SEMA3E: variants seen among roughly 807,000 people sequenced by gnomAD.
SEMA3E encodes the protein semaphorin 3E.
A neutral mutation model predicts 93.6 loss-of-function variants in SEMA3E; 49 were observed. That is an observed-to-expected ratio of 0.52 (90% CI 0.42 to 0.66). SEMA3E has a LOEUF of 0.66. Ranked by LOEUF, SEMA3E falls within the 30% of genes least tolerant of loss-of-function variation. SEMA3E has a pLI of 0.00. For synonymous variants in SEMA3E, 363 were observed against 330.7 expected, an observed-to-expected ratio of 1.10 and a Z score of -1.06; for missense variants, 906 against 964.8, an observed-to-expected ratio of 0.94 and a Z score of 0.81.
chr7:83,433,956 T>C (rs1255001805), intron 4 of SEMA3E, among the ~76,000 whole-genome samples: 1 of 152,076 alleles, frequency 6.6e-6, no homozygotes, highest in Admixed American at 6.5e-5. Flanking sequence ...GAACATTTCA[T>C]AGATTTTGTA....
chr7:83,572,087 T>C (rs1792298892), intron 1 of SEMA3E, among the ~76,000 whole-genome samples: 1 of 152,066 alleles, frequency 6.6e-6, no homozygotes, highest in South Asian at 2.1e-4. Context: ...CATAAGTAAA[T>C]GGAAAAATAT....
At chr7:83,454,272 A>ATATATATATATAT (rs1554327288) in intron 4 of SEMA3E, among the ~76,000 whole-genome samples, 3 of 110,110 alleles carry the variant, frequency 2.7e-5, no homozygotes, top group South Asian at 2.6e-4. Context: ...AAAAAAAAAA[A>ATATATATATATAT]ATATATATAT....
rs1206538148 is a variant in SEMA3E at position 83,406,054 on chromosome 7, A to C, written c.819T>G (p.Asp273Glu). ...YTRVGRLCVNDVGGQRILVNK... is the reference protein window; with the variant it reads ...YTRVGRLCVNEVGGQRILVNK... Reference sequence around the variant, plus strand: ...TCACCAGTATTCTCTGCCCTCCTACATCATTCTGTGAAAACCAAAAAGGAG... The same window carrying C: ...TCACCAGTATTCTCTGCCCTCCTACCTCATTCTGTGAAAACCAAAAAGGAG... Residue 273 changes from aspartate to glutamate, a missense_variant, in exon 8 of 17, where the codon GAT becomes GAG. Transcript: ENST00000643230. 1.2e-6 allele frequency: 2 copies of C among 1,610,490 alleles called. No individual in the cohort carries two copies. The highest frequency in any genetic ancestry group is 2.7e-5 in the African/African-American group (2 of 74,806).
chr7:83,441,671 G>A (rs1393195241), intron 4 of SEMA3E, among the ~76,000 whole-genome samples: 1 of 152,094 alleles, frequency 6.6e-6, no homozygotes, highest in Non-Finnish European at 1.5e-5. Context: ...TTTTATGGAG[G>A]AGGACACTGA....
Position 83,505,044 on chromosome 7 carries a change from AT to A in SEMA3E, c.116-14771del, listed in dbSNP as rs373193726. On this transcript the variant is annotated intron_variant, in intron 1 of 16. Transcript: ENST00000643230. The stretch of plus-strand genomic sequence containing the variant: ...TAACAAAAGAAGTTGTATAAATTAT[AT>A]AGTGGTTTCTTCATGGATTAAGATT... Among the ~76,000 whole-genome samples, 68 of 152,318 alleles carry A rather than the reference AT, an allele frequency of 4.5e-4. No homozygotes were observed. In the East Asian group the frequency reaches 7.3e-3, roughly 16 times the overall value.
chr7:83,388,173 G>T (rs1413006690), intron 14 of SEMA3E, among the ~76,000 whole-genome samples: 1 of 148,344 alleles, frequency 6.7e-6, no homozygotes, highest in African/African-American at 2.4e-5. Flanking sequence ...GTCGGGCGTG[G>T]TGGTGTGCGC....
chr7:83,577,117 G>T (rs1792421248), intron 1 of SEMA3E, among the ~76,000 whole-genome samples: 1 of 152,050 alleles, frequency 6.6e-6, no homozygotes. Flanking sequence ...ACCAGAGTTA[G>T]ATATTGATTT....
intron 4 of SEMA3E, among the ~76,000 whole-genome samples, chr7:83,453,377 T>C (rs558871449): frequency 2.0e-5 from 3 of 151,376 alleles, no homozygotes; most frequent in East Asian, 2.0e-4. Context: ...CATTTAACTT[T>C]CAATATCAAC....
At position 83,535,427 on chromosome 7, in the gene SEMA3E, T is replaced by C. The variant is rs144187922; in HGVS notation, c.116-45153A>G. Among the ~76,000 whole-genome samples the C allele has an allele frequency of 1.5e-4, 23 of 151,014 alleles. No homozygotes were observed. In the East Asian group the frequency reaches 4.5e-3, roughly 30 times the overall value. Reference sequence around the variant, plus strand: ...ACTTTTTTTTCAAGCAGGTAATATTTCATTCATTCACTAAGGAGACAGGGC... The same window carrying C: ...ACTTTTTTTTCAAGCAGGTAATATTCCATTCATTCACTAAGGAGACAGGGC... On this transcript the variant is annotated intron_variant, in intron 1 of 16. Coordinates refer to ENST00000643230, the MANE Select transcript of SEMA3E (RefSeq NM_012431.3).
intron 2 of SEMA3E, among the ~76,000 whole-genome samples, chr7:83,477,557 A>G (rs1183893531): frequency 6.6e-6 from 1 of 152,140 alleles, no homozygotes; most frequent in Non-Finnish European, 1.5e-5. Context: ...TTTATGTGCC[A>G]GAATTATAAT....
At chr7:83,478,359 A>G (rs1790066674) in intron 2 of SEMA3E, among the ~76,000 whole-genome samples, 3 of 152,244 alleles carry the variant, frequency 2.0e-5, no homozygotes, top group African/African-American at 7.2e-5. Context: ...TGAGTTCCCC[A>G]AAATATGGCT....
At chr7:83,598,795 C>G (rs1792927123) in intron 1 of SEMA3E, among the ~76,000 whole-genome samples, 2 of 152,148 alleles carry the variant, frequency 1.3e-5, no homozygotes, top group South Asian at 4.1e-4. Flanking sequence ...TTGTATATGT[C>G]TTTGTCATCA....
chr7:83,645,502 C>T (rs1261297715), intron 1 of SEMA3E, among the ~76,000 whole-genome samples: 1 of 152,020 alleles, frequency 6.6e-6, no homozygotes, highest in Non-Finnish European at 1.5e-5. Flanking sequence ...CTAGAAAATA[C>T]ATTAAAAGAT....
chr7:83,593,997 T>C (rs1562847109), intron 1 of SEMA3E, among the ~76,000 whole-genome samples: 1 of 152,176 alleles, frequency 6.6e-6, no homozygotes, highest in Non-Finnish European at 1.5e-5. Flanking sequence ...TCACATTTGT[T>C]AAAGAGTGTT....
intron 1 of SEMA3E, among the ~76,000 whole-genome samples, chr7:83,639,253 CCA>C (rs1228308147): frequency 6.6e-6 from 1 of 151,568 alleles, no homozygotes; most frequent in Non-Finnish European, 1.5e-5. Flanking sequence ...TCATTTAACT[CCA>C]GTTTCCATCT....
intron 4 of SEMA3E, among the ~76,000 whole-genome samples, chr7:83,445,012 G>C (rs539007984): frequency 3.7e-4 from 57 of 152,190 alleles, no homozygotes; most frequent in African/African-American, 1.3e-3. Flanking sequence ...TCCTAAAAAT[G>C]AAAGGAAGAA....
intron 4 of SEMA3E, among the ~76,000 whole-genome samples, chr7:83,431,746 G>A (rs1335860694): frequency 6.6e-6 from 1 of 152,122 alleles, no homozygotes; most frequent in African/African-American, 2.4e-5. Flanking sequence ...TCCAAATGAC[G>A]TTTTTGGCAA....
chr7:83,520,366 G>T (rs1791018703), intron 1 of SEMA3E, among the ~76,000 whole-genome samples: 1 of 152,094 alleles, frequency 6.6e-6, no homozygotes, highest in Non-Finnish European at 1.5e-5. Flanking sequence ...TGGAGAGAAA[G>T]ACTTGGCAAC....
intron 4 of SEMA3E, among the ~76,000 whole-genome samples, chr7:83,428,957 C>T (rs1788828587): frequency 6.6e-6 from 1 of 152,082 alleles, no homozygotes; most frequent in African/African-American, 2.4e-5. Flanking sequence ...ACTAACAATT[C>T]CATATTCATT....
Sources: gnomAD v4.1 joint callset for allele counts (sites outside exome capture counted in the v4.1 genomes callset) on GRCh38, gnomAD v4.1.1 for gene constraint, MANE v1.5 for transcripts, NCBI Gene and HGNC (gene_info 2026-07-23, HGNC 2026-07-21) for gene names.